The following LHFPL3 variants were observed in gnomAD, a reference collection of about 807,000 sequenced individuals.
The protein encoded by LHFPL3 is LHFPL tetraspan subfamily member 3.
Under a neutral mutation model 19.3 loss-of-function variants are expected in LHFPL3, and 5 were observed. The ratio of observed to expected loss-of-function variants is 0.26; its 90% CI spans 0.14 to 0.54. The LOEUF (loss-of-function observed/expected upper bound fraction) is 0.54. Among genes scored for constraint, LHFPL3 ranks in the 20% least tolerant of loss-of-function variants. The probability of loss-of-function intolerance (pLI) is 0.94; values close to 1 mark genes in which losing one functional copy is unlikely to be tolerated. For synonymous variants in LHFPL3, 133 were observed against 126.2 expected (o/e 1.05, Z -0.36); for missense variants, 249 against 307.4 (o/e 0.81, Z 1.42).
chr7:104,820,830 C>T (rs1439692303), intron 2 of LHFPL3, among the ~76,000 whole-genome samples: 1 of 152,128 alleles, frequency 6.6e-6, no homozygotes, highest in African/African-American at 2.4e-5. Context: ...GCCTTCCATT[C>T]CTTTGGAATA....
intron 1 of LHFPL3, among the ~76,000 whole-genome samples, chr7:104,711,297 A>G (rs1292836009): frequency 1.3e-5 from 2 of 152,208 alleles, no homozygotes; most frequent in African/African-American, 4.8e-5. Context: ...TGCTTGCTGC[A>G]ATTCAGATGA....
At chr7:104,692,166 G>C (rs544588604) in intron 1 of LHFPL3, among the ~76,000 whole-genome samples, 2 of 152,326 alleles carry the variant, frequency 1.3e-5, no homozygotes, top group African/African-American at 4.8e-5. Flanking sequence ...AAAGAATTCA[G>C]TTTTATGTAT....
intron 1 of LHFPL3, among the ~76,000 whole-genome samples, chr7:104,584,347 T>C (rs1317541510): frequency 5.3e-5 from 8 of 152,084 alleles, no homozygotes; most frequent in Admixed American, 3.9e-4. Context: ...TTAGGAGATA[T>C]ATCTAATGCT....
chr7:104,786,765 G>A (rs1297811494), intron 2 of LHFPL3, among the ~76,000 whole-genome samples: 1 of 148,888 alleles, frequency 6.7e-6, no homozygotes, highest in East Asian at 2.0e-4. Flanking sequence ...ACCCAATAAT[G>A]TTGTTACATA....
intron 1 of LHFPL3, among the ~76,000 whole-genome samples, chr7:104,365,442 G>T (rs1303935239): frequency 7.7e-6 from 1 of 129,220 alleles, no homozygotes; most frequent in Non-Finnish European, 1.7e-5. Context: ...TTGTTTTTGT[G>T]ATTTTTTTTT....
chr7:104,458,218 A>C (rs1364027879), intron 1 of LHFPL3, among the ~76,000 whole-genome samples: 1 of 151,934 alleles, frequency 6.6e-6, no homozygotes, highest in Non-Finnish European at 1.5e-5. Context: ...GGTAATGCCT[A>C]GGTTTTCTTC....
chr7:104,876,798 A>C (rs1791952161), intron 2 of LHFPL3, among the ~76,000 whole-genome samples: 1 of 152,226 alleles, frequency 6.6e-6, no homozygotes, highest in Non-Finnish European at 1.5e-5. Flanking sequence ...AGGATTATAA[A>C]TCATGCTGCT....
intron 1 of LHFPL3, among the ~76,000 whole-genome samples, chr7:104,444,245 C>T (rs1404417161): frequency 6.6e-6 from 1 of 152,192 alleles, no homozygotes; most frequent in Admixed American, 6.5e-5. Context: ...AAAATCCATG[C>T]ATGTTGGCTC....
chr7:104,691,373 G>T (rs1019258594), intron 1 of LHFPL3, among the ~76,000 whole-genome samples: 1 of 152,224 alleles, frequency 6.6e-6, no homozygotes, highest in Non-Finnish European at 1.5e-5. Context: ...CCTATGATCA[G>T]TTGACAGAGG....
At chr7:104,697,221 T>C (rs1184424357) in intron 1 of LHFPL3, among the ~76,000 whole-genome samples, 3 of 152,170 alleles carry the variant, frequency 2.0e-5, no homozygotes, top group Non-Finnish European at 4.4e-5. Context: ...TTCCAATATA[T>C]GAATTTGCGG....
intron 1 of LHFPL3, among the ~76,000 whole-genome samples, chr7:104,705,545 C>T (rs1268941922): frequency 6.6e-6 from 1 of 152,150 alleles, no homozygotes; most frequent in Non-Finnish European, 1.5e-5. Context: ...GAGTAGGAGT[C>T]CCCAGGTCCA....
intron 1 of LHFPL3, among the ~76,000 whole-genome samples, chr7:104,372,290 C>A (rs920932333): frequency 6.6e-6 from 1 of 152,104 alleles, no homozygotes; most frequent in African/African-American, 2.4e-5. Flanking sequence ...AGTCAGGGAG[C>A]CTGTGAAATG....
rs148899191 is a variant in LHFPL3, at chr7:104,419,629, C to T, written c.445+90405C>T. 1.1e-3 allele frequency among the ~76,000 whole-genome samples: 172 copies of T among 152,148 alleles called. 1 individual carries two copies. Among genetic ancestry groups the T allele is most frequent in the African/African-American group, 4.0e-3 (167 of 41,508 alleles). Reference sequence around the variant, plus strand: ...GTTTGACTTTAGACATACCGGTTTTCGAGGTGGAAATCAAATAGCTCAAGA... The same window carrying T: ...GTTTGACTTTAGACATACCGGTTTTTGAGGTGGAAATCAAATAGCTCAAGA... On this transcript the variant is annotated intron_variant, in intron 1 of 2. Transcript: ENST00000424859.
chr7:104,885,693 T>C (rs1207096337), intron 2 of LHFPL3, among the ~76,000 whole-genome samples: 3 of 152,168 alleles, frequency 2.0e-5, no homozygotes, highest in Non-Finnish European at 4.4e-5. Context: ...AACTGTCCTC[T>C]CTGCTTCAAC....
chr7:104,677,091 C>T (rs1792605958), intron 1 of LHFPL3, among the ~76,000 whole-genome samples: 1 of 152,136 alleles, frequency 6.6e-6, no homozygotes, highest in African/African-American at 2.4e-5. Flanking sequence ...GAAAAATAAC[C>T]TCAGCCAGAC....
intron 1 of LHFPL3, among the ~76,000 whole-genome samples, chr7:104,697,997 A>G (rs1793029246): frequency 6.6e-6 from 1 of 152,200 alleles, no homozygotes; most frequent in Admixed American, 6.5e-5. Context: ...TGTTCACTGG[A>G]AGGAAAAACC....
chr7:104,877,261 G>A (rs538532847), intron 2 of LHFPL3, among the ~76,000 whole-genome samples: 39 of 144,172 alleles, frequency 2.7e-4, no homozygotes, highest in Non-Finnish European at 5.0e-4. Context: ...ATGTACCCTA[G>A]AACTTAAAGT....
rs1370586590 is a variant in LHFPL3, at chr7:104,473,137, G to A, written c.445+143913G>A. Among the ~76,000 whole-genome samples the A allele has an allele frequency of 2.0e-5, 3 of 152,192 alleles. No homozygotes were observed. In the East Asian group the frequency reaches 5.8e-4, roughly 29 times the overall value. On this transcript the variant is annotated intron_variant, in intron 1 of 2. Transcript: ENST00000424859. Reference sequence around the variant, plus strand: ...TCAGCATTACACTGACATATTCTATGAAATATAAATCCTACCAACATACTG... The same window carrying A: ...TCAGCATTACACTGACATATTCTATAAAATATAAATCCTACCAACATACTG...
At chr7:104,684,066 G>A (rs914526848) in intron 1 of LHFPL3, among the ~76,000 whole-genome samples, 13 of 152,172 alleles carry the variant, frequency 8.5e-5, no homozygotes, top group African/African-American at 3.1e-4. Flanking sequence ...TTAGTGCTAA[G>A]CTTGTTAATT....
Sources: allele counts gnomAD v4.1 joint callset (sites outside exome capture counted in the v4.1 genomes callset), GRCh38; gene constraint gnomAD v4.1.1; transcripts MANE v1.5; gene names NCBI Gene and HGNC (gene_info 2026-07-23, HGNC 2026-07-21).